Variants in PHKA2 observed in about 807,000 individuals in gnomAD.
PHKA2 encodes the protein phosphorylase b kinase regulatory subunit alpha, liver isoform.
In PHKA2, 31 loss-of-function variants were observed where a neutral mutation model predicts 102.0. The ratio of observed to expected loss-of-function variants is 0.30; its 90% confidence interval spans 0.23 to 0.41. The LOEUF (loss-of-function observed/expected upper bound fraction) is 0.41, where lower values mean the gene tolerates loss of function less well. Among genes scored for constraint, PHKA2 ranks in the 10% least tolerant of loss-of-function variants. The pLI, the probability that PHKA2 is intolerant of heterozygous loss-of-function variation, is 1.00. For missense variants in PHKA2, 858 were observed against 1,023.1 expected, an observed-to-expected ratio of 0.84 and a Z score of 2.20; for synonymous variants, 455 against 416.2, an observed-to-expected ratio of 1.09 and a Z score of -1.13.
chrX:18,935,174 G>T (rs2048374524), intron 11 of PHKA2, among the ~76,000 whole-genome samples: 1 of 112,245 alleles, frequency 8.9e-6, no homozygotes, highest in African/African-American at 3.2e-5. Context: ...CAGGAACCAA[G>T]AATTCTTCTT....
chrX:18,908,161 C>A, intron 21 of PHKA2, 105 bp from the exon 22 acceptor site: 2 of 791,739 alleles, frequency 2.5e-6, no homozygotes, highest in South Asian at 2.1e-5. Flanking sequence ...TCCCAGTGCC[C>A]CTGAGTCTCA....
At chrX:18,952,353 AG>A in intron 3 of PHKA2, 140 bp downstream of exon 3, 1 of 431,240 alleles carries the variant, frequency 2.3e-6, no homozygotes, top group Non-Finnish European at 4.1e-6. Flanking sequence ...AAAAAAAAAG[AG>A]AGAGAGAAAG....
At chrX:18,976,164 G>A (rs980120357) in intron 1 of PHKA2, among the ~76,000 whole-genome samples, 2 of 109,084 alleles carry the variant, frequency 1.8e-5, no homozygotes, top group African/African-American at 3.3e-5. Flanking sequence ...TAGTAGAGAC[G>A]GGGTTTCACT....
At chrX:18,916,292 G>A (rs1886412492) in intron 19 of PHKA2, among the ~76,000 whole-genome samples, 1 of 111,455 alleles carries the variant, frequency 9.0e-6, no homozygotes, top group African/African-American at 3.3e-5. Context: ...GTGGGTGCCT[G>A]TAATCCCCGC....
intron 13 of PHKA2, 22 bp from the exon 14 acceptor site, chrX:18,926,609 G>A: frequency 8.3e-7 from 1 of 1,202,820 alleles, no homozygotes; most frequent in Non-Finnish European, 1.1e-6. Context: ...AACACAGAAT[G>A]AGCGTTAGCT....
At chrX:18,895,017 G>C in intron 31 of PHKA2, 121 bp downstream of exon 31, 4 of 693,074 alleles carry the variant, frequency 5.8e-6, no homozygotes, top group Non-Finnish European at 9.5e-6. Context: ...ACAGCTCAGA[G>C]CTACAAATGG....
Position 18,926,473 on chromosome X carries a change from C to A in PHKA2, c.1439G>T (p.Ser480Ile), listed in dbSNP as rs2048212001. ...PIQVQPGRIL[S>I]HIYAKLGRNK... ...CCTACCAAGCTTGGCATATATGTGACTAAGAATCCGGCCCGGCTGGACTTG... is the reference window on the plus strand; with the variant it reads ...CCTACCAAGCTTGGCATATATGTGAATAAGAATCCGGCCCGGCTGGACTTG... Residue 480 changes from serine (S) to isoleucine (I), a missense_variant, in exon 14 of 33, where the codon AGT becomes ATT. Around this residue, in one of 2 missense-constraint regions of PHKA2, gnomAD observed 671 missense variants for 745.2 expected, o/e 0.90. Coordinates refer to ENST00000379942, the MANE Select transcript of PHKA2 (RefSeq NM_000292.3). 8.3e-7 allele frequency: 1 copy of A among 1,205,243 alleles called. No individual in the cohort carries two copies. Among genetic ancestry groups the A allele is most frequent in the African/African-American group, 1.7e-5 (1 of 57,303 alleles).
intron 1 of PHKA2, 83 bp from the exon 2 acceptor site, chrX:18,954,495 A>C: frequency 3.0e-6 from 3 of 985,139 alleles, no homozygotes; most frequent in Non-Finnish European, 4.3e-6. Flanking sequence ...AACAGGGTAG[A>C]TGAGGACCGG....
At position 18,892,865 on chromosome X, in the gene PHKA2, G is replaced by A. The variant is rs1312462388; in HGVS notation, c.*620C>T. 1 of 113,467 alleles carries A rather than the reference G, an allele frequency of 8.8e-6. No homozygotes were observed. Among genetic ancestry groups the A allele is most frequent in the East Asian group, 2.7e-4 (1 of 3,649 alleles). 9.4% of individuals were successfully genotyped at this position (113,467 alleles called of 1,213,427 possible). ...AAGACCATGAGCCAAGGTGAACGAAGAGGAATTTTCTAAATCTTGGGGACA... is the reference window on the plus strand; with the variant it reads ...AAGACCATGAGCCAAGGTGAACGAAAAGGAATTTTCTAAATCTTGGGGACA... On this transcript the variant is annotated 3_prime_UTR_variant, in exon 33 of 33. Coordinates refer to ENST00000379942, the MANE Select transcript of PHKA2 (RefSeq NM_000292.3).
intron 26 of PHKA2, among the ~76,000 whole-genome samples, chrX:18,902,465 T>C (rs774676833): frequency 7.4e-5 from 8 of 108,577 alleles, no homozygotes; most frequent in South Asian, 4.2e-4. Flanking sequence ...AAAATTATTC[T>C]AATAAAACAT....
rs748964864 is a variant in PHKA2 at position 18,957,738 on chromosome X, T to TTATATATATATATATATATATATATATA, written c.79-3327_79-3326insTATATATATATATATATATATATATATA. 6.6e-4 allele frequency among the ~76,000 whole-genome samples: 63 copies of TTATATATATATATATATATATATATATA among 95,083 alleles called. 2 individuals are homozygous for TTATATATATATATATATATATATATATA. The highest frequency in any genetic ancestry group is 5.1e-3 in the Middle Eastern group (1 of 197). 82.6% of individuals were successfully genotyped at this position (95,083 alleles called of 115,157 possible). A position where few individuals can be genotyped will look rare whatever the true frequency, so the allele number is the denominator to read the frequency against. On this transcript the variant is annotated intron_variant, in intron 1 of 32. Coordinates refer to ENST00000379942, the MANE Select transcript of PHKA2 (RefSeq NM_000292.3). ...TTTCCTATGTGTTACTAAAACCAGA[T>TTATATATATATATATATATATATATATA]TATATATATATATATATATATAATT...
intron 1 of PHKA2, among the ~76,000 whole-genome samples, chrX:18,975,274 C>T (rs1724412959): frequency 2.7e-5 from 3 of 111,581 alleles, no homozygotes; most frequent in South Asian, 3.8e-4. Context: ...ATGCTGTTCT[C>T]GTGATAGCGA....
At chrX:18,966,077 TTTTG>T (rs1393469526) in intron 1 of PHKA2, among the ~76,000 whole-genome samples, 2 of 103,456 alleles carry the variant, frequency 1.9e-5, no homozygotes, top group Non-Finnish European at 3.9e-5. Context: ...GTGGTGGCTC[TTTTG>T]TTTTTTTTTT....
chrX:18,958,704 T>TTG (rs761102643), intron 1 of PHKA2, among the ~76,000 whole-genome samples: 146 of 108,840 alleles, frequency 1.3e-3, no homozygotes, highest in Middle Eastern at 9.4e-3. Flanking sequence ...TCAGTTTCTT[T>TTG]TGTGTGTGTG....
At chrX:18,903,892 C>T (rs1308395176) in intron 26 of PHKA2, among the ~76,000 whole-genome samples, 1 of 112,024 alleles carries the variant, frequency 8.9e-6, no homozygotes, top group Admixed American at 9.5e-5. Flanking sequence ...GGACAAAGGC[C>T]AAACAGTCCT....
intron 26 of PHKA2, among the ~76,000 whole-genome samples, chrX:18,902,385 C>T (rs1481008608): frequency 9.1e-6 from 1 of 109,685 alleles, no homozygotes; most frequent in Non-Finnish European, 1.9e-5. Flanking sequence ...GATCTGCCCG[C>T]CTCAGCCTCC....
chrX:18,972,831 A>G (rs1359544811), intron 1 of PHKA2, among the ~76,000 whole-genome samples: 1 of 111,402 alleles, frequency 9.0e-6, no homozygotes, highest in Non-Finnish European at 1.9e-5. Flanking sequence ...TTTCCTTTTC[A>G]TATCTGTTAC....
chrX:18,909,853 T>C (rs2047892545), intron 20 of PHKA2, among the ~76,000 whole-genome samples: 1 of 111,942 alleles, frequency 8.9e-6, no homozygotes, highest in Non-Finnish European at 1.9e-5. Context: ...TAAGGAGGGG[T>C]TGGAGGTGAC....
intron 31 of PHKA2, chrX:18,894,654 C>G: frequency 2.3e-6 from 1 of 436,642 alleles, no homozygotes. Flanking sequence ...CTACAGCTTC[C>G]AGGGAGCAGG....
Sources: gnomAD v4.1 joint callset for allele counts (sites outside exome capture counted in the v4.1 genomes callset) on GRCh38, gnomAD v4.1.1 for gene constraint, gnomAD v4.1.1 regional missense constraint, MANE v1.5 for transcripts, NCBI Gene and HGNC (gene_info 2026-07-23, HGNC 2026-07-21) for gene names.